Variants in OLFML2B observed in about 807,000 individuals in gnomAD.
The protein encoded by OLFML2B is olfactomedin-like protein 2B.
Under a neutral mutation model 74.9 loss-of-function variants are expected in OLFML2B, and 57 were observed. The ratio of observed to expected loss-of-function variants is 0.76; its 90% CI spans 0.61 to 0.95. OLFML2B has a LOEUF of 0.95. Among genes scored for constraint, OLFML2B ranks in the 40% least tolerant of loss-of-function variants. The pLI is 0.00. For synonymous variants in OLFML2B, 388 were observed against 405.8 expected (o/e 0.96, Z 0.53); for missense variants, 986 against 970.6 (o/e 1.02, Z -0.21).
chr1:162,008,886 A>C (rs947302915), intron 3 of OLFML2B, among the ~76,000 whole-genome samples: 1 of 152,164 alleles, frequency 6.6e-6, no homozygotes, highest in Non-Finnish European at 1.5e-5. Context: ...TGACGGGAAA[A>C]GTTCCTGGCC....
In OLFML2B at chr1:161,984,890, AG is replaced by A. The variant is rs1558051740; in HGVS notation, c.1564del (p.Leu522TrpfsTer9). ...RNEGAWMKDPLAKDERIYVTN... is the reference protein window; with the variant it reads ...RNEGAWMKDPXAKDERIYVTN... ...TACGTAAATCCGCTCATCCTTGGCC[AG>A]GGGGTCCTTCATCCAGGCCCCTTCA... On this transcript the variant is annotated frameshift_variant, in exon 7 of 8. Transcript: ENST00000294794. LOFTEE classifies it high-confidence loss of function. 1.9e-6 allele frequency: 3 copies of A among 1,610,222 alleles called. No homozygotes were observed. In the African/African-American group the frequency reaches 4.1e-5, roughly 22 times the overall value.
chr1:161,992,629 AATTGGCCTAATTTCAAT>A (rs1689773011), intron 6 of OLFML2B, among the ~76,000 whole-genome samples: 1 of 152,180 alleles, frequency 6.6e-6, no homozygotes, highest in African/African-American at 2.4e-5. Context: ...TAGGGTTATT[AATTGGCCTAATTTCAAT>A]ATTGTTGTGT....
At position 162,023,578 on chromosome 1, in the gene OLFML2B, A is replaced by C. The variant is rs1690796790; in HGVS notation, c.-148T>G. 6.9e-6 allele frequency: 5 copies of C among 722,084 alleles called. No individual in the cohort carries two copies. Among genetic ancestry groups the C allele is most frequent in the Non-Finnish European group, 8.1e-6 (4 of 491,064 alleles). 44.7% of individuals were successfully genotyped at this position (722,084 alleles called of 1,614,324 possible). A position where few individuals can be genotyped will look rare whatever the true frequency, so the allele number is the denominator to read the frequency against. On this transcript the variant is annotated 5_prime_UTR_variant, in exon 1 of 8. Transcript: ENST00000294794. ...CTAAAGCTGGGTGCGGCTGAGCGGG[A>C]CGGGAGGGTGCGCCCCAGAGACTCT...
chr1:162,010,287 G>T (rs1005451657), intron 3 of OLFML2B, among the ~76,000 whole-genome samples: 3 of 152,238 alleles, frequency 2.0e-5, no homozygotes, highest in Non-Finnish European at 2.9e-5. Flanking sequence ...TGCAGGAGAG[G>T]TATGCAGTTG....
At position 161,983,667 on chromosome 1, in the gene OLFML2B, C is replaced by A; in HGVS notation, c.*8G>T. 1 of 1,596,292 alleles carries A rather than the reference C, an allele frequency of 6.3e-7. No homozygotes were observed. On this transcript the variant is annotated 3_prime_UTR_variant, in exon 8 of 8. Transcript: ENST00000294794. ...CCCTCTGTGCTTCTGCTTGTGGGGA[C>A]AAGGGTGTCAGTAGGCAAAGATGAC...
chr1:162,018,660 G>A (rs1053597085), intron 2 of OLFML2B, among the ~76,000 whole-genome samples: 33 of 152,200 alleles, frequency 2.2e-4, no homozygotes, highest in African/African-American at 7.7e-4. Context: ...AGGCTCTGGC[G>A]GCACTGAGGG....
intron 6 of OLFML2B, 123 bp from the exon 7 acceptor site, chr1:161,985,103 C>CCTT (rs1689555541): frequency 1.0e-6 from 1 of 966,436 alleles, no homozygotes; most frequent in Non-Finnish European, 1.5e-6. Context: ...CCTGTATAAC[C>CCTT]TGACCCCAAA....
chr1:161,984,689 G>A, intron 7 of OLFML2B, 115 bp downstream of exon 7: 1 of 1,094,026 alleles, frequency 9.1e-7, no homozygotes, highest in Non-Finnish European at 1.3e-6. Context: ...TTAGCCATCA[G>A]AAGAAGGTGT....
At chr1:162,006,184 C>T (rs74938301) in intron 4 of OLFML2B, 113 bp downstream of exon 4, 16,744 of 975,608 alleles carry the variant, frequency 0.017, 221 homozygotes, top group East Asian at 0.056. Flanking sequence ...ATGGATGAAG[C>T]GAGCTCATCT....
rs530081987 is a variant in OLFML2B at position 162,023,284 on chromosome 1, C to T, written c.147G>A (p.Ala49=). 6 of 1,564,500 alleles carry T rather than the reference C, an allele frequency of 3.8e-6. No homozygotes were observed. In the East Asian group the frequency reaches 9.4e-5, roughly 24 times the overall value. ...PAEDETLQNE[A]DNQENVLSQL... ...GAGATAAAACGTTCTCCTGGTTGTC[C>T]GCCTCGTTTTGCAGAGTCTCGTCCT... The change falls in exon 1 of 8, where the codon GCG becomes GCA. Residue 49 remains alanine, a synonymous_variant. Coordinates refer to ENST00000294794, the MANE Select transcript of OLFML2B (RefSeq NM_015441.3).
Position 162,000,132 on chromosome 1 carries a change from C to A in OLFML2B, c.930G>T (p.Glu310Asp). The A allele has an allele frequency of 6.2e-7, 1 of 1,600,950 alleles. No individual in the cohort carries two copies. The highest frequency in any genetic ancestry group is 1.1e-5 in the South Asian group (1 of 90,462). ...ACTCACGCTGCTCTTCAATGTCATT[C>A]TCTTCTTCAGAGACCTTGGCTTTAT... ...TYYKAKVSEE[E>D]NDIEEQQDEF... Residue 310 changes from glutamate to aspartate, a missense_variant, in exon 5 of 8, where the codon GAG (glutamate) becomes GAT (aspartate). Transcript: ENST00000294794.
chr1:162,002,667 G>A (rs940228724), intron 4 of OLFML2B, among the ~76,000 whole-genome samples: 6 of 152,202 alleles, frequency 3.9e-5, no homozygotes, highest in Non-Finnish European at 7.3e-5. Flanking sequence ...ATGGGGTTGT[G>A]TATCTCTCTC....
chr1:162,020,037 G>T lies in OLFML2B; in HGVS notation c.320C>A (p.Thr107Asn), dbSNP rs777860476. ...SRKEDFYTVETITSGSSCKCA... is the reference protein window; with the variant it reads ...SRKEDFYTVENITSGSSCKCA... ...CTTGCACGACGAGCCTGAGGTGATG[G>T]TTTCCACGGTATAGAAGTCTTCCTT... Residue 107 changes from threonine (T) to asparagine (N), a missense_variant, in exon 2 of 8, where the codon ACC becomes AAC. By Grantham distance (65) the Thr-to-Asn change is moderately conservative. Coordinates refer to ENST00000294794, the MANE Select transcript of OLFML2B (RefSeq NM_015441.3). 6.2e-6 allele frequency: 10 copies of T among 1,614,212 alleles called. No homozygotes were observed. Among genetic ancestry groups the T allele is most frequent in the Non-Finnish European group, 8.5e-6 (10 of 1,180,042 alleles).
intron 3 of OLFML2B, among the ~76,000 whole-genome samples, chr1:162,008,877 G>A (rs988649234): frequency 1.9e-4 from 29 of 152,198 alleles, no homozygotes; most frequent in African/African-American, 7.0e-4. Flanking sequence ...TTCTGGGACT[G>A]ACGGGAAAAG....
chr1:162,004,041 C>T (rs760675660), intron 4 of OLFML2B, among the ~76,000 whole-genome samples: 3 of 152,200 alleles, frequency 2.0e-5, no homozygotes, highest in Admixed American at 1.3e-4. Flanking sequence ...GCTGTTTGCC[C>T]TCAGGAAATC....
rs752972010 is a variant in OLFML2B at position 161,984,041 on chromosome 1, T to C, written c.1887A>G (p.Leu629=). The part of the protein sequence containing the change: ...DVDFAVDENG[L]WLIYPALDDE... ...CGTCCAGGGCCGGGTAGATGAGCCA[T>C]AGGCCATTCTCGTCCACAGCAAAGT... Residue 629 remains leucine (L), a synonymous_variant, in exon 8 of 8, where the codon CTA becomes CTG. Coordinates refer to ENST00000294794, the MANE Select transcript of OLFML2B (RefSeq NM_015441.3). The C allele has an allele frequency of 9.3e-6, 15 of 1,614,186 alleles. 1 individual carries two copies. Among genetic ancestry groups the C allele is most frequent in the South Asian group, 8.8e-5 (8 of 91,084 alleles).
intron 4 of OLFML2B, among the ~76,000 whole-genome samples, chr1:162,001,444 T>A (rs1050175323): frequency 3.9e-5 from 6 of 152,168 alleles, no homozygotes; most frequent in African/African-American, 1.4e-4. Flanking sequence ...TGGACTGAAA[T>A]GTGGACAGAA....
At chr1:162,001,550 T>C (rs1437999828) in intron 4 of OLFML2B, among the ~76,000 whole-genome samples, 1 of 152,218 alleles carries the variant, frequency 6.6e-6, no homozygotes, top group Non-Finnish European at 1.5e-5. Flanking sequence ...AGCCCTGGAC[T>C]GCCTGCCTCC....
intron 6 of OLFML2B, among the ~76,000 whole-genome samples, chr1:161,995,640 C>T (rs771064339): frequency 3.9e-5 from 6 of 152,112 alleles, no homozygotes; most frequent in Non-Finnish European, 7.4e-5. Context: ...AGAGAGTGAA[C>T]AACTCACTCC....
Sources: gnomAD v4.1 joint callset for allele counts (sites outside exome capture counted in the v4.1 genomes callset) on GRCh38, gnomAD v4.1.1 for gene constraint, MANE v1.5 for transcripts, NCBI Gene and HGNC (gene_info 2026-07-23, HGNC 2026-07-21) for gene names.